Variants in PCDHGA7 observed in about 807,000 individuals in gnomAD.
PCDHGA7 encodes the protein protocadherin gamma-A7.
A neutral mutation model predicts 58.3 loss-of-function variants in PCDHGA7; 44 were observed. The observed-to-expected ratio is 0.75, with a 90% CI of 0.59 to 0.97. The LOEUF is 0.97. Among genes scored for constraint, PCDHGA7 ranks in the 50% least tolerant of loss-of-function variants. The pLI is 0.00. For missense variants in PCDHGA7, 1,266 were observed against 1,188.7 expected (o/e 1.06, Z -0.96); for synonymous variants, 516 against 504.2 (o/e 1.02, Z -0.31).
rs1229317913 is a variant in PCDHGA7 at position 141,489,752 on chromosome 5, C to T, written c.2425-5055C>T. ...GGCACCAATACTGTGAGCTTTTACACTCTAAGCCCCAACAGCCACTTCTCT... is the reference window on the plus strand; with the variant it reads ...GGCACCAATACTGTGAGCTTTTACATTCTAAGCCCCAACAGCCACTTCTCT... On this transcript the variant is annotated intron_variant, in intron 1 of 3. Transcript: ENST00000518325. The surrounding 1 kb of genome is among the most constrained non-coding windows in gnomAD (Gnocchi z 4.5). 1.2e-6 allele frequency: 2 copies of T among 1,614,018 alleles called. No individual in the cohort carries two copies. Among genetic ancestry groups the T allele is most frequent in the Non-Finnish European group, 1.7e-6 (2 of 1,179,980 alleles).
At position 141,486,813 on chromosome 5, in the gene PCDHGA7, G is replaced by A; in HGVS notation, c.2425-7994G>A. On this transcript the variant is annotated intron_variant, in intron 1 of 3. Transcript: ENST00000518325. The surrounding 1 kb of genome is among the most constrained non-coding windows in gnomAD (Gnocchi z 5.0). ...GATCGGGGCAACCCACCCCTTAGCA[G>A]CACTGTAACAGTTCGTCTATTTGTG... The A allele has an allele frequency of 6.2e-7, 1 of 1,614,212 alleles. No individual in the cohort carries two copies.
intron 1 of PCDHGA7, chr5:141,395,200 A>G: frequency 6.2e-7 from 1 of 1,613,768 alleles, no homozygotes; most frequent in Non-Finnish European, 8.5e-7. Flanking sequence ...ACATCCGTAG[A>G]TTTTCATGAA....
intron 1 of PCDHGA7, among the ~76,000 whole-genome samples, chr5:141,483,340 C>T (rs906468552): frequency 5.9e-5 from 9 of 152,036 alleles, no homozygotes; most frequent in Non-Finnish European, 1.2e-4. Flanking sequence ...GATCTTATCT[C>T]TTTGCAATAG....
At position 141,393,612 on chromosome 5, in the gene PCDHGA7, A is replaced by G. The variant is rs1171689277; in HGVS notation, c.2424+8289A>G. Reference sequence around the variant, plus strand: ...CACGCGGCTGCTTACTGTAACAGCCAGCGACCCGGATGAGGGAATCAACGG... The same window carrying G: ...CACGCGGCTGCTTACTGTAACAGCCGGCGACCCGGATGAGGGAATCAACGG... On this transcript the variant is annotated intron_variant, in intron 1 of 3. Coordinates refer to ENST00000518325, the MANE Select transcript of PCDHGA7 (RefSeq NM_018920.4). 6.2e-7 allele frequency: 1 copy of G among 1,613,840 alleles called. No homozygotes were observed. Among genetic ancestry groups the G allele is most frequent in the Non-Finnish European group, 8.5e-7 (1 of 1,179,908 alleles).
intron 1 of PCDHGA7, among the ~76,000 whole-genome samples, chr5:141,492,876 G>A (rs2099744774): frequency 6.6e-6 from 1 of 152,184 alleles, no homozygotes; most frequent in African/African-American, 2.4e-5. Context: ...TCAACCCCCA[G>A]AGATACAGGC....
chr5:141,383,417 G>A lies in PCDHGA7; in HGVS notation c.518G>A (p.Ser173Asn). 6.2e-7 allele frequency: 1 copy of A among 1,614,014 alleles called. No homozygotes were observed. Among genetic ancestry groups the A allele is most frequent in the African/African-American group, 1.3e-5 (1 of 75,068 alleles). ...AACTCCCTCCAGAGTTACCAGCTCA[G>A]CCCCAATCGCCACTTCTCCCTGGCT... ...GTNSLQSYQLSPNRHFSLAVQ... is the reference protein window; with the variant it reads ...GTNSLQSYQLNPNRHFSLAVQ... Residue 173 changes from serine to asparagine, a missense_variant, in exon 1 of 4, where the codon AGC becomes AAC. Transcript: ENST00000518325.
intron 1 of PCDHGA7, chr5:141,387,731 C>A (rs909205011): frequency 6.4e-6 from 8 of 1,254,262 alleles, no homozygotes; most frequent in East Asian, 2.5e-5. Flanking sequence ...CCAGCGCCAG[C>A]CTTTACACCG....
At chr5:141,394,833 G>A (rs867584109) in intron 1 of PCDHGA7, 1 of 1,613,848 alleles carries the variant, frequency 6.2e-7, no homozygotes, top group South Asian at 1.1e-5. Flanking sequence ...AGTCCTGACC[G>A]AGTTGGGCAG....
intron 1 of PCDHGA7, chr5:141,422,174 A>G (rs763681065): frequency 5.1e-6 from 8 of 1,564,176 alleles, no homozygotes; most frequent in African/African-American, 2.8e-5. Flanking sequence ...TATAGATTCT[A>G]TGAGATGGAA....
At chr5:141,412,987 A>T (rs192699644) in intron 1 of PCDHGA7, 1 of 564,522 alleles carries the variant, frequency 1.8e-6, no homozygotes, top group African/African-American at 1.9e-5. Flanking sequence ...GCCAGAGCTC[A>T]ATCCGGATTC....
intron 2 of PCDHGA7, among the ~76,000 whole-genome samples, chr5:141,505,172 A>C (rs1336105711): frequency 6.6e-6 from 1 of 152,178 alleles, no homozygotes; most frequent in Non-Finnish European, 1.5e-5. Context: ...AAACAAAAAG[A>C]AAAAAGCATC....
intron 3 of PCDHGA7, 61 bp downstream of exon 3, chr5:141,505,542 A>G (rs2099846540): frequency 6.2e-7 from 1 of 1,604,832 alleles, no homozygotes; most frequent in African/African-American, 1.3e-5. Context: ...GGTGCATCTC[A>G]CAGCCACCAT....
chr5:141,423,273 G>C, intron 1 of PCDHGA7: 2 of 1,613,896 alleles, frequency 1.2e-6, no homozygotes, highest in Non-Finnish European at 1.7e-6. Flanking sequence ...TCGAGTCTCT[G>C]GCTAACTCTG....
rs566838507 is a variant in PCDHGA7, at chr5:141,415,047, G to T, written c.2424+29724G>T. ...GCGAGCCGGGACTCTTCGCGGTGGG[G>T]GAGCACACGGGCGAGGTGCGCACGG... On this transcript the variant is annotated intron_variant, in intron 1 of 3. Transcript: ENST00000518325. The T allele has an allele frequency of 4.2e-5, 67 of 1,613,220 alleles. 1 individual carries two copies. The Admixed American group carries it at 6.0e-4, about 14-fold the overall frequency.
chr5:141,487,577 C>A lies in PCDHGA7; in HGVS notation c.2425-7230C>A. 1.2e-6 allele frequency: 2 copies of A among 1,614,150 alleles called. No individual in the cohort carries two copies. Among genetic ancestry groups the A allele is most frequent in the Non-Finnish European group, 1.7e-6 (2 of 1,180,024 alleles). ...ACCTATGGCAGGGGAGCCTGTTCGC[C>A]CAAGCTGCCCACCCTCTGATCTTCT... On this transcript the variant is annotated intron_variant, in intron 1 of 3. Coordinates refer to ENST00000518325, the MANE Select transcript of PCDHGA7 (RefSeq NM_018920.4). The surrounding 1 kb of genome is among the most constrained non-coding windows in gnomAD (Gnocchi z 5.0).
At chr5:141,478,576 G>A (rs543160289) in intron 1 of PCDHGA7, 1 of 1,585,480 alleles carries the variant, frequency 6.3e-7, no homozygotes, top group Non-Finnish European at 8.6e-7. Flanking sequence ...GCTTGACCCT[G>A]TTAGTGCTTT....
Position 141,489,417 on chromosome 5 carries a change from G to A in PCDHGA7, c.2425-5390G>A, listed in dbSNP as rs1020232739. On this transcript the variant is annotated intron_variant, in intron 1 of 3. Coordinates refer to ENST00000518325, the MANE Select transcript of PCDHGA7 (RefSeq NM_018920.4). This position sits in a 1 kb window ranked among gnomAD's most constrained non-coding sequence, Gnocchi z 4.5. ...ATCTGGGCTTAAAGATGACAGATCT[G>A]TTGAGCCGGCGGCTGCAATTGGGCT... The A allele has an allele frequency of 1.2e-6, 2 of 1,614,172 alleles. No individual in the cohort carries two copies. The highest frequency in any genetic ancestry group is 3.3e-5 in the Admixed American group (2 of 60,030).
chr5:141,485,546 G>C lies in PCDHGA7; in HGVS notation c.2425-9261G>C. The C allele has an allele frequency of 6.2e-7, 1 of 1,614,074 alleles. No individual in the cohort carries two copies. ...GTACCGAGCAGAGGTAGAGATCGTA[G>C]ATGTGAATGATCACGCCCCCCGTTT... is the stretch of plus-strand genomic sequence containing the variant. On this transcript the variant is annotated intron_variant, in intron 1 of 3. Coordinates refer to ENST00000518325, the MANE Select transcript of PCDHGA7 (RefSeq NM_018920.4). The surrounding 1 kb of genome is among the most constrained non-coding windows in gnomAD (Gnocchi z 5.7).
intron 1 of PCDHGA7, among the ~76,000 whole-genome samples, chr5:141,481,037 G>A (rs1438691746): frequency 2.0e-5 from 3 of 152,050 alleles, no homozygotes; most frequent in East Asian, 3.9e-4. Context: ...CAGCCTGGGC[G>A]ACAGAGCGAG....
Sources: allele counts gnomAD v4.1 joint callset (sites outside exome capture counted in the v4.1 genomes callset), GRCh38; gene constraint gnomAD v4.1.1; non-coding constraint Gnocchi (gnomAD v3.1); transcripts MANE v1.5; gene names NCBI Gene and HGNC (gene_info 2026-07-23, HGNC 2026-07-21).